Variants in CENPT observed in about 807,000 individuals in gnomAD.
CENPT encodes centromere protein T.
A neutral mutation model predicts 59.7 loss-of-function variants in CENPT; 42 were observed. The observed-to-expected ratio is 0.70, with a 90% CI of 0.55 to 0.91. The LOEUF (loss-of-function observed/expected upper bound fraction) is 0.91. CENPT is among the 40% of genes least tolerant of loss of function. The pLI is 0.00. For missense variants in CENPT, 716 were observed against 713.4 expected (o/e 1.00, Z -0.04); for synonymous variants, 295 against 289.6 (o/e 1.02, Z -0.19).
At chr16:67,844,239 T>C (rs756139231) in intron 1 of CENPT, 9 of 164,732 alleles carry the variant, frequency 5.5e-5, no homozygotes, top group Non-Finnish European at 1.3e-4. Context: ...TAGTTAAATG[T>C]CCTTGAAACA....
chr16:67,832,347 C>T (rs750516820), intron 5 of CENPT, 32 bp from the exon 6 acceptor site: 8 of 1,612,218 alleles, frequency 5.0e-6, no homozygotes, highest in South Asian at 1.1e-5. Context: ...ACCAGTCTGT[C>T]CGTCTGCCTT....
intron 1 of CENPT, among the ~76,000 whole-genome samples, chr16:67,844,850 G>A (rs891486385): frequency 6.6e-6 from 1 of 151,396 alleles, no homozygotes; most frequent in Non-Finnish European, 1.5e-5. Flanking sequence ...GTGCAATGGT[G>A]TGATCTCAGC....
Position 67,831,295 on chromosome 16 carries a change from G to A in CENPT, c.624C>T (p.Ala208=). The A allele has an allele frequency of 6.2e-7, 1 of 1,614,192 alleles. No individual in the cohort carries two copies. Among genetic ancestry groups the A allele is most frequent in the Non-Finnish European group, 8.5e-7 (1 of 1,180,014 alleles). Residue 208 remains alanine (A), a synonymous_variant, in exon 10 of 16, where the codon GCC becomes GCT. Coordinates refer to ENST00000562787, the MANE Select transcript of CENPT (RefSeq NM_025082.4). ...QPQSVQRPGL[A]RRPPARRAVD... ...CAGCTCGGCGGGCTGGAGGTCTGCGGGCCAAGCCAGGCCTCTGCACTGACT... is the reference window on the plus strand; with the variant it reads ...CAGCTCGGCGGGCTGGAGGTCTGCGAGCCAAGCCAGGCCTCTGCACTGACT...
At chr16:67,841,573 G>C (rs918651893) in intron 1 of CENPT, 1 of 151,148 alleles carries the variant, frequency 6.6e-6, no homozygotes, top group Non-Finnish European at 1.5e-5. Flanking sequence ...ATTACTATTT[G>C]TGAGTAGACA....
rs770050625 is a variant in CENPT at position 67,843,549 on chromosome 16, G to T, written c.-492+3852C>A. On this transcript the variant is annotated intron_variant, in intron 1 of 15. Transcript: ENST00000562787. This position sits in a 1 kb window ranked among gnomAD's most constrained non-coding sequence, Gnocchi z 5.7. ...ACTCCCAGACCCCATCCAGCCAGGGGACCGCAGGCCATTGTTGAACTCCTC... is the reference window on the plus strand; with the variant it reads ...ACTCCCAGACCCCATCCAGCCAGGGTACCGCAGGCCATTGTTGAACTCCTC... 2.6e-5 allele frequency: 40 copies of T among 1,561,062 alleles called. No individual in the cohort carries two copies. In the Middle Eastern group the frequency reaches 7.0e-4, roughly 28 times the overall value.
chr16:67,838,348 A>C (rs13333317), intron 1 of CENPT, among the ~76,000 whole-genome samples: 10,545 of 152,146 alleles, frequency 0.069, 506 homozygotes, highest in Middle Eastern at 0.19. Flanking sequence ...ATGGCCAGGC[A>C]CGGTGGTTCA....
chr16:67,842,433 G>A lies in CENPT; in HGVS notation c.-492+4968C>T, dbSNP rs2057768195. The A allele has an allele frequency of 2.3e-5, 15 of 663,220 alleles. No individual in the cohort carries two copies. The highest frequency in any genetic ancestry group is 2.5e-5 in the Non-Finnish European group (12 of 484,046). 41.1% of individuals were successfully genotyped at this position (663,220 alleles called of 1,614,324 possible). On this transcript the variant is annotated intron_variant, in intron 1 of 15. Coordinates refer to ENST00000562787, the MANE Select transcript of CENPT (RefSeq NM_025082.4). This position sits in a 1 kb window ranked among gnomAD's most constrained non-coding sequence, Gnocchi z 4.9. The stretch of plus-strand genomic sequence containing the variant: ...CGGGCCGGCTGCGCCGAGCGGCAGT[G>A]GTGGGATACCACCCAAGGCCTCGCG...
In CENPT at chr16:67,832,078, G is replaced by C. The variant is rs769637001; in HGVS notation, c.320C>G (p.Ser107Trp). 2.5e-6 allele frequency: 4 copies of C among 1,612,224 alleles called. No homozygotes were observed. The highest frequency in any genetic ancestry group is 3.4e-6 in the Non-Finnish European group (4 of 1,178,724). The change falls in exon 7 of 16, where the codon TCG becomes TGG. Residue 107 changes from serine (S) to tryptophan (W), a missense_variant. Physicochemically the swap from Ser to Trp is radical, Grantham distance 177. Transcript: ENST00000562787. ...CGGTGCTGGCACTGGCTTCACTACCGACTCAGGCATCAGGATGGAAGATTC... is the reference window on the plus strand; with the variant it reads ...CGGTGCTGGCACTGGCTTCACTACCCACTCAGGCATCAGGATGGAAGATTC... Reference protein sequence around the residue: ...APESSILMPESVVKPVPAPQA... With the variant: ...APESSILMPEWVVKPVPAPQA...
chr16:67,830,994 C>T, intron 10 of CENPT: 1 of 627,232 alleles, frequency 1.6e-6, no homozygotes, highest in Non-Finnish European at 2.8e-6. Flanking sequence ...CAACCTCCAG[C>T]CCTATAGTCT....
intron 8 of CENPT, 29 bp from the exon 9 acceptor site, chr16:67,831,641 A>G (rs748988901): frequency 1.2e-6 from 2 of 1,613,822 alleles, no homozygotes; most frequent in Admixed American, 1.7e-5. Context: ...AGAATGTAAA[A>G]GAAGAAAACC....
chr16:67,830,119 G>C (rs752543291), intron 11 of CENPT, 31 bp from the exon 12 acceptor site: 1 of 1,601,904 alleles, frequency 6.2e-7, no homozygotes, highest in Non-Finnish European at 8.5e-7. Context: ...ACAGGCCGGA[G>C]ACGCAGCAGG....
rs568930990 is a variant in CENPT at position 67,836,439 on chromosome 16, C to CT, written c.-491-782dup. 4.6e-3 allele frequency among the ~76,000 whole-genome samples: 625 copies of CT among 135,896 alleles called. 11 individuals carry two copies. The East Asian group carries it at 0.08, about 17-fold the overall frequency. The allele number at this position is 135,896 out of a possible 152,430, so 89.2% of individuals were successfully genotyped here. A position where few individuals can be genotyped will look rare whatever the true frequency, so the allele number is the denominator to read the frequency against. On this transcript the variant is annotated intron_variant, in intron 1 of 15. Coordinates refer to ENST00000562787, the MANE Select transcript of CENPT (RefSeq NM_025082.4). Reference sequence around the variant, plus strand: ...GAATAATATGGAAAAAAACAAACATCTTTTTTTTTTTTTTTGAGATGGAGT... The same window carrying CT: ...GAATAATATGGAAAAAAACAAACATCTTTTTTTTTTTTTTTTGAGATGGAGT...
In CENPT at chr16:67,843,639, C is replaced by T. The variant is rs2057779888; in HGVS notation, c.-492+3762G>A. 1 of 831,746 alleles carries T rather than the reference C, an allele frequency of 1.2e-6. No homozygotes were observed. The highest frequency in any genetic ancestry group is 1.7e-5 in the African/African-American group (1 of 57,822). 51.5% of individuals were successfully genotyped at this position (831,746 alleles called of 1,614,324 possible). ...GCAGCTGGACTCTCTTGCTGGTGAC[C>T]TGGCATCCTCAATTGTTTCCTCCTG... is the stretch of plus-strand genomic sequence containing the variant. On this transcript the variant is annotated intron_variant, in intron 1 of 15. Coordinates refer to ENST00000562787, the MANE Select transcript of CENPT (RefSeq NM_025082.4). This position sits in a 1 kb window ranked among gnomAD's most constrained non-coding sequence, Gnocchi z 5.7.
chr16:67,831,689 G>C, intron 8 of CENPT, 65 bp downstream of exon 8: 1 of 1,604,832 alleles, frequency 6.2e-7, no homozygotes, highest in Middle Eastern at 1.7e-4. Context: ...CCCTCTCTCA[G>C]GACTCCTCAG....
chr16:67,830,477 G>A lies in CENPT; in HGVS notation c.775C>T (p.Pro259Ser). The change falls in exon 11 of 16, where the codon CCC becomes TCC. Residue 259 changes from proline to serine, a missense_variant. By Grantham distance (74) the Pro-to-Ser change is moderately conservative. Coordinates refer to ENST00000562787, the MANE Select transcript of CENPT (RefSeq NM_025082.4). ...TCAGCCCCAGTGTGAGGCGTGCAGG[G>A]CAGGGAGTGATACACGTTGGGGGAG... ...VGSPNVYHSLPCTPHTGAEDA... is the reference protein window; with the variant it reads ...VGSPNVYHSLSCTPHTGAEDA... The A allele has an allele frequency of 1.9e-6, 3 of 1,614,146 alleles. No homozygotes were observed. The highest frequency in any genetic ancestry group is 2.5e-6 in the Non-Finnish European group (3 of 1,179,994).
intron 1 of CENPT, among the ~76,000 whole-genome samples, chr16:67,836,440 T>A (rs1480786241): frequency 9.3e-6 from 1 of 107,032 alleles, no homozygotes; most frequent in Non-Finnish European, 1.7e-5. Context: ...AACAAACATC[T>A]TTTTTTTTTT....
chr16:67,831,977 C>CA lies in CENPT; in HGVS notation c.386+34dup, dbSNP rs745499844. On this transcript the variant is annotated intron_variant, in intron 7 of 15. Transcript: ENST00000562787. ...CAAGAAACTCCCGGACTAAGCTGCC[C>CA]ATAGCACAATCCAAGGTGGGGGAGT... 7 of 1,590,882 alleles carry CA rather than the reference C, an allele frequency of 4.4e-6. No homozygotes were observed. The South Asian group carries it at 6.8e-5, about 16-fold the overall frequency.
At position 67,832,439 on chromosome 16, in the gene CENPT, TGGGCTGG is replaced by T; in HGVS notation, c.201+9_201+15del. The T allele has an allele frequency of 6.2e-7, 1 of 1,613,550 alleles. No individual in the cohort carries two copies. Among genetic ancestry groups the T allele is most frequent in the Non-Finnish European group, 8.5e-7 (1 of 1,179,442 alleles). ...GGCAGCCAGGGCCCTTTGGGGTCAG[TGGGCTGG>T]GTACTTACCCTGGCTCCATGGGAAC... On this transcript the variant is annotated intron_variant, in intron 5 of 15. Coordinates refer to ENST00000562787, the MANE Select transcript of CENPT (RefSeq NM_025082.4).
At chr16:67,830,141 T>C (rs1364025806) in intron 11 of CENPT, 53 bp from the exon 12 acceptor site, 4 of 1,555,294 alleles carry the variant, frequency 2.6e-6, no homozygotes, top group South Asian at 1.1e-5. Flanking sequence ...CAAGGCTGCA[T>C]AGCTCAGAGA....
Sources: gnomAD v4.1 joint callset for allele counts (sites outside exome capture counted in the v4.1 genomes callset) on GRCh38, gnomAD v4.1.1 for gene constraint, Gnocchi (gnomAD v3.1) non-coding constraint, MANE v1.5 for transcripts, NCBI Gene and HGNC (gene_info 2026-07-23, HGNC 2026-07-21) for gene names.